MGAT5: variants seen among roughly 807,000 people sequenced by gnomAD.
The protein encoded by MGAT5 is alpha-1,6-mannosylglycoprotein 6-beta-N-acetylglucosaminyltransferase A.
Under a neutral mutation model 94.3 loss-of-function variants are expected in MGAT5, and 30 were observed. The observed-to-expected ratio is 0.32, with a 90% CI of 0.24 to 0.43. MGAT5 has a LOEUF of 0.43. Among genes scored for constraint, MGAT5 ranks in the 20% least tolerant of loss-of-function variants. The pLI is 1.00. For missense variants in MGAT5, 691 were observed against 905.5 expected (o/e 0.76, Z 3.04); for synonymous variants, 310 against 322.9 (o/e 0.96, Z 0.43).
At position 134,413,736 on chromosome 2, in the gene MGAT5, A is replaced by G. The variant is rs944311560; in HGVS notation, c.1677+721A>G. Among the ~76,000 whole-genome samples, 5 of 152,222 alleles carry G rather than the reference A, an allele frequency of 3.3e-5. No homozygotes were observed. In the East Asian group the frequency reaches 9.6e-4, roughly 29 times the overall value. On this transcript the variant is annotated intron_variant, in intron 12 of 15. Transcript: ENST00000281923. ...ATTTTCTGATTATTTCTATGTAGTT[A>G]GTAGTAAGTGACTCTGCAGGCAGCT...
intron 1 of MGAT5, among the ~76,000 whole-genome samples, chr2:134,238,775 C>T (rs1681797047): frequency 6.6e-6 from 1 of 152,044 alleles, no homozygotes; most frequent in Non-Finnish European, 1.5e-5. Context: ...GAAACCCTGT[C>T]TGTACTAAAA....
intron 1 of MGAT5, among the ~76,000 whole-genome samples, chr2:134,214,053 C>A (rs1043955174): frequency 6.6e-6 from 1 of 152,192 alleles, no homozygotes; most frequent in Non-Finnish European, 1.5e-5. Flanking sequence ...GGACCTCAGC[C>A]ACCAGTCAAT....
chr2:134,229,189 A>G (rs1053129429), intron 1 of MGAT5, among the ~76,000 whole-genome samples: 2 of 152,250 alleles, frequency 1.3e-5, no homozygotes, highest in Non-Finnish European at 2.9e-5. Flanking sequence ...GAAATGGGCA[A>G]AACAGATTAA....
chr2:134,282,836 A>T (rs941612926), intron 2 of MGAT5, among the ~76,000 whole-genome samples: 1 of 152,170 alleles, frequency 6.6e-6, no homozygotes, highest in African/African-American at 2.4e-5. Flanking sequence ...AGAGACCCAT[A>T]TTATTGAGTG....
intron 1 of MGAT5, among the ~76,000 whole-genome samples, chr2:134,245,331 G>A (rs1353997578): frequency 6.6e-6 from 1 of 152,156 alleles, no homozygotes; most frequent in Non-Finnish European, 1.5e-5. Flanking sequence ...TGGAGTTACC[G>A]CTGTTGCCTT....
At chr2:134,416,223 A>C (rs1347248445) in intron 12 of MGAT5, among the ~76,000 whole-genome samples, 2 of 152,180 alleles carry the variant, frequency 1.3e-5, no homozygotes, top group African/African-American at 4.8e-5. Context: ...CATCACTGCT[A>C]TCCATTTCCA....
At chr2:134,273,170 T>G (rs931691982) in intron 2 of MGAT5, among the ~76,000 whole-genome samples, 1 of 152,216 alleles carries the variant, frequency 6.6e-6, no homozygotes, top group Admixed American at 6.5e-5. Flanking sequence ...CAACTACATA[T>G]TTTTAAAAAA....
intron 8 of MGAT5, among the ~76,000 whole-genome samples, chr2:134,348,894 CCTT>C (rs1428379681): frequency 2.0e-5 from 3 of 152,124 alleles, no homozygotes; most frequent in African/African-American, 7.2e-5. Context: ...GGTCAGAAAA[CCTT>C]CTGAAAAGAG....
At chr2:134,368,746 G>A (rs1056457118) in intron 10 of MGAT5, among the ~76,000 whole-genome samples, 2 of 152,216 alleles carry the variant, frequency 1.3e-5, no homozygotes, top group African/African-American at 2.4e-5. Flanking sequence ...TCTGGGTAGT[G>A]TGTTTTAGCG....
chr2:134,133,341 C>A (rs951822205), intron 1 of MGAT5, among the ~76,000 whole-genome samples: 1 of 152,134 alleles, frequency 6.6e-6, no homozygotes, highest in African/African-American at 2.4e-5. Context: ...CCAAGCCTGT[C>A]AAGAAAGGAC....
intron 1 of MGAT5, among the ~76,000 whole-genome samples, chr2:134,218,932 A>G (rs1680622673): frequency 6.6e-6 from 1 of 152,190 alleles, no homozygotes; most frequent in Non-Finnish European, 1.5e-5. Context: ...TTTACTAATT[A>G]AAACTTCTTA....
intron 1 of MGAT5, among the ~76,000 whole-genome samples, chr2:134,162,197 A>C (rs966909767): frequency 2.0e-5 from 3 of 152,092 alleles, no homozygotes; most frequent in African/African-American, 7.2e-5. Flanking sequence ...GTCAAAAAAA[A>C]ACAAAAACAA....
intron 1 of MGAT5, among the ~76,000 whole-genome samples, chr2:134,135,176 C>T (rs1432930051): frequency 6.6e-6 from 1 of 152,072 alleles, no homozygotes; most frequent in African/African-American, 2.4e-5. Flanking sequence ...TTCTGTCAAT[C>T]TTAGGACATT....
chr2:134,439,195 G>A (rs1006593354), intron 14 of MGAT5, among the ~76,000 whole-genome samples: 1 of 152,118 alleles, frequency 6.6e-6, no homozygotes, highest in Admixed American at 6.5e-5. Context: ...TCAAGGAGAT[G>A]GGAAGAAGCA....
chr2:134,304,716 A>G (rs912569722), intron 2 of MGAT5, among the ~76,000 whole-genome samples: 6 of 152,160 alleles, frequency 3.9e-5, no homozygotes, highest in Admixed American at 1.3e-4. Flanking sequence ...GGGCCGGGAG[A>G]AGTTCTAAGG....
chr2:134,172,678 G>A (rs182456339), intron 1 of MGAT5, among the ~76,000 whole-genome samples: 1 of 152,318 alleles, frequency 6.6e-6, no homozygotes, highest in Non-Finnish European at 1.5e-5. Context: ...GAGCCACCAT[G>A]CCCAGCCAGT....
intron 1 of MGAT5, among the ~76,000 whole-genome samples, chr2:134,191,866 G>T (rs1360726788): frequency 2.1e-5 from 3 of 146,158 alleles, no homozygotes; most frequent in Non-Finnish European, 4.5e-5. Flanking sequence ...CGCGCCAGCG[G>T]CTTCCTGATG....
intron 12 of MGAT5, among the ~76,000 whole-genome samples, chr2:134,420,471 C>T (rs557690435): frequency 4.6e-5 from 7 of 152,316 alleles, no homozygotes; most frequent in Admixed American, 1.3e-4. Context: ...AACCTGCAGT[C>T]AGCAGAGGCT....
chr2:134,406,891 TA>T (rs1490011866), intron 11 of MGAT5, among the ~76,000 whole-genome samples: 1 of 152,036 alleles, frequency 6.6e-6, no homozygotes, highest in Non-Finnish European at 1.5e-5. Flanking sequence ...ACCCTGTCTT[TA>T]AAAAAGGCTG....
Sources: gnomAD v4.1 joint callset for allele counts (sites outside exome capture counted in the v4.1 genomes callset) on GRCh38, gnomAD v4.1.1 for gene constraint, MANE v1.5 for transcripts, NCBI Gene and HGNC (gene_info 2026-07-23, HGNC 2026-07-21) for gene names.